The following AKR1E2 variants were observed in gnomAD, a reference collection of about 807,000 sequenced individuals.
AKR1E2 encodes the protein aldo-keto reductase family 1 member E2, also known as 1,5-anhydro-D-fructose reductase.
In AKR1E2, 43 loss-of-function variants were observed where a neutral mutation model predicts 41.9. The ratio of observed to expected loss-of-function variants is 1.03; its 90% CI spans 0.80 to 1.32. The LOEUF is 1.32. Ranked by LOEUF, AKR1E2 falls within the 40% of genes most tolerant of loss-of-function variation. The pLI is 0.00. For missense variants in AKR1E2, 423 were observed against 396.5 expected (o/e 1.07, Z -0.57); for synonymous variants, 121 against 138.9 (o/e 0.87, Z 0.91).
rs1387282879 is a variant in AKR1E2 at position 4,845,007 on chromosome 10, G to A, written c.838-2141G>A. ...AGGCTCCTGCTGCAGAGGAGCCCAC[G>A]GAGGGTCAGGGGAGGCTCAGGCATG... On this transcript the variant is annotated intron_variant, in intron 8 of 9. Coordinates refer to ENST00000298375, the MANE Select transcript of AKR1E2 (RefSeq NM_001040177.3). Among the ~76,000 whole-genome samples, 5 of 152,316 alleles carry A rather than the reference G, an allele frequency of 3.3e-5. No individual in the cohort carries two copies. The East Asian group carries it at 5.8e-4, about 18-fold the overall frequency.
chr10:4,848,327 C>T (rs1338694180), downstream of AKR1E2, among the ~76,000 whole-genome samples: 1 of 152,232 alleles, frequency 6.6e-6, no homozygotes, highest in Non-Finnish European at 1.5e-5. Context: ...CTCATTCAGC[C>T]TGTTTAGATT....
the AKR1E2 span, among the ~76,000 whole-genome samples, chr10:4,860,781 T>A: frequency 6.6e-6 from 1 of 152,304 alleles, no homozygotes; most frequent in Middle Eastern, 3.4e-3. Context: ...TGAATATGCT[T>A]TATTGGCTTT....
At chr10:4,863,259 T>C in the AKR1E2 span, among the ~76,000 whole-genome samples, 1 of 152,076 alleles carries the variant, frequency 6.6e-6, no homozygotes, top group African/African-American at 2.4e-5. Flanking sequence ...TAACAAACTG[T>C]CTCTCAGACC....
At chr10:4,868,180 C>T in the AKR1E2 span, among the ~76,000 whole-genome samples, 154 of 152,256 alleles carry the variant, frequency 1.0e-3, no homozygotes, top group African/African-American at 3.4e-3. Context: ...ATGCCAGCTT[C>T]TGGGTTCCTG....
intron 5 of AKR1E2, among the ~76,000 whole-genome samples, chr10:4,839,342 CAGAA>C (rs1266120202): frequency 2.0e-5 from 3 of 152,130 alleles, no homozygotes; most frequent in African/African-American, 7.2e-5. Context: ...CTTGGTGACA[CAGAA>C]AGACAGTGAG....
the AKR1E2 span, among the ~76,000 whole-genome samples, chr10:4,864,927 T>G: frequency 0.016 from 2,432 of 152,276 alleles, 70 homozygotes; most frequent in African/African-American, 0.056. Flanking sequence ...GATACAGTAA[T>G]AAGTTCATGA....
At chr10:4,837,971 G>C (rs2924271) in intron 5 of AKR1E2, among the ~76,000 whole-genome samples, 135,998 of 152,254 alleles carry the variant, frequency 0.89, 61,629 homozygotes, top group East Asian at 0.98. Context: ...GGCTTCACGC[G>C]AGGCTCACAG....
intron 1 of AKR1E2, among the ~76,000 whole-genome samples, chr10:4,827,301 T>A (rs181288427): frequency 0.021 from 3,104 of 150,288 alleles, 83 homozygotes; most frequent in Non-Finnish European, 0.03. Context: ...CCTCTCTCAG[T>A]TATTATTGTT....
At chr10:4,852,485 C>T (rs1230837475), downstream of AKR1E2, among the ~76,000 whole-genome samples, 1 of 152,140 alleles carries the variant, frequency 6.6e-6, no homozygotes, top group African/African-American at 2.4e-5. Context: ...ACAGAAATAG[C>T]TCCATCAATG....
chr10:4,847,246 T>C lies in AKR1E2; in HGVS notation c.920+16T>C, dbSNP rs780149964. On this transcript the variant is annotated intron_variant, in intron 9 of 9. Coordinates refer to ENST00000298375, the MANE Select transcript of AKR1E2 (RefSeq NM_001040177.3). ...TGTTCCCCATGTAAATATGGCTCCT[T>C]CTTTTTAAAACAGAGGGAAGAATAT... is the stretch of plus-strand genomic sequence containing the variant. 13 of 1,613,772 alleles carry C rather than the reference T, an allele frequency of 8.1e-6. No homozygotes were observed. The South Asian group carries it at 1.2e-4, about 15-fold the overall frequency.
downstream of AKR1E2, among the ~76,000 whole-genome samples, chr10:4,850,710 T>G (rs1834504818): frequency 6.6e-6 from 1 of 152,208 alleles, no homozygotes; most frequent in African/African-American, 2.4e-5. Context: ...GAGCATCTTT[T>G]CATGTGCTTA....
the AKR1E2 span, among the ~76,000 whole-genome samples, chr10:4,859,878 C>G: frequency 1.3e-5 from 2 of 152,218 alleles, no homozygotes; most frequent in African/African-American, 4.8e-5. Context: ...TTAGAATGCA[C>G]TCCATGCATG....
At chr10:4,861,474 G>A in the AKR1E2 span, among the ~76,000 whole-genome samples, 3 of 152,094 alleles carry the variant, frequency 2.0e-5, no homozygotes, top group African/African-American at 4.8e-5. Context: ...GGGTTAAAGC[G>A]ATTCTTGTGC....
At chr10:4,837,968 C>T (rs919096392) in intron 5 of AKR1E2, among the ~76,000 whole-genome samples, 2 of 152,200 alleles carry the variant, frequency 1.3e-5, no homozygotes, top group African/African-American at 2.4e-5. Context: ...GATGGCTTCA[C>T]GCGAGGCTCA....
At chr10:4,831,711 C>T (rs1437703384) in intron 2 of AKR1E2, among the ~76,000 whole-genome samples, 1 of 152,154 alleles carries the variant, frequency 6.6e-6, no homozygotes, top group Non-Finnish European at 1.5e-5. Flanking sequence ...CACACAATGT[C>T]AGGTTGCAGG....
At chr10:4,857,792 T>A in the AKR1E2 span, among the ~76,000 whole-genome samples, 1 of 152,142 alleles carries the variant, frequency 6.6e-6, no homozygotes, top group Admixed American at 6.6e-5. Context: ...GGCATACAAC[T>A]TTTTACACTA....
chr10:4,839,488 G>A (rs1210901531), intron 5 of AKR1E2, among the ~76,000 whole-genome samples: 5 of 152,194 alleles, frequency 3.3e-5, no homozygotes, highest in Non-Finnish European at 5.9e-5. Context: ...TGCAGAGCAG[G>A]TGGTATTGGA....
downstream of AKR1E2, among the ~76,000 whole-genome samples, chr10:4,851,536 G>A (rs972157535): frequency 6.6e-6 from 1 of 152,166 alleles, no homozygotes; most frequent in South Asian, 2.1e-4. Context: ...GTCACGTATC[G>A]CCTCTGCCAC....
intron 6 of AKR1E2, among the ~76,000 whole-genome samples, chr10:4,840,067 G>A (rs112025333): frequency 6.6e-5 from 10 of 152,242 alleles, no homozygotes; most frequent in African/African-American, 1.7e-4. Flanking sequence ...CTTCAGGGAC[G>A]TAAATCAGCC....
Sources: gnomAD v4.1 joint callset for allele counts (sites outside exome capture counted in the v4.1 genomes callset) on GRCh38, gnomAD v4.1.1 for gene constraint, MANE v1.5 for transcripts, NCBI Gene and HGNC (gene_info 2026-07-23, HGNC 2026-07-21) for gene names.